The following MACROD1 variants were observed in gnomAD, a reference collection of about 807,000 sequenced individuals.
MACROD1 encodes ADP-ribose glycohydrolase MACROD1.
Under a neutral mutation model 41.4 loss-of-function variants are expected in MACROD1, and 31 were observed. The observed-to-expected ratio is 0.75, with a 90% CI of 0.56 to 1.01. The LOEUF (loss-of-function observed/expected upper bound fraction) is 1.01. Among genes scored for constraint, MACROD1 ranks in the 50% least tolerant of loss-of-function variants. MACROD1 has a pLI of 0.00. For missense variants in MACROD1, 473 were observed against 460.0 expected (o/e 1.03, Z -0.26); for synonymous variants, 252 against 203.4 (o/e 1.24, Z -2.03).
chr11:64,102,052 C>T (rs537129718), intron 3 of MACROD1, among the ~76,000 whole-genome samples: 19 of 152,306 alleles, frequency 1.2e-4, no homozygotes, highest in Non-Finnish European at 1.9e-4. Flanking sequence ...TTATTTGTAA[C>T]GGCCTCTGAC....
intron 3 of MACROD1, among the ~76,000 whole-genome samples, chr11:64,133,199 A>G (rs1046256645): frequency 2.6e-5 from 4 of 152,232 alleles, no homozygotes; most frequent in African/African-American, 9.6e-5. Flanking sequence ...GCCCCGCTAC[A>G]CAGGGAGCAA....
intron 3 of MACROD1, among the ~76,000 whole-genome samples, chr11:64,115,085 A>G (rs1315185537): frequency 1.3e-5 from 2 of 152,172 alleles, no homozygotes; most frequent in Admixed American, 1.3e-4. Flanking sequence ...CTGGGACTTC[A>G]GGTTCCGAGA....
In MACROD1 at chr11:64,060,061, G is replaced by A. The variant is rs377001650; in HGVS notation, c.518-44780C>T. ...GGAATGGCGAACAACTCCCTAAGGG[G>A]CAACTAACAGACCAATTAAGCTGCC... On this transcript the variant is annotated intron_variant, in intron 3 of 10. Transcript: ENST00000255681. Among the ~76,000 whole-genome samples the A allele has an allele frequency of 5.3e-4, 81 of 152,346 alleles. No homozygotes were observed. In the East Asian group the frequency reaches 0.011, roughly 21 times the overall value.
At chr11:64,106,672 C>T (rs1448754551) in intron 3 of MACROD1, among the ~76,000 whole-genome samples, 1 of 152,190 alleles carries the variant, frequency 6.6e-6, no homozygotes, top group Admixed American at 6.5e-5. Flanking sequence ...ACTGGTCACA[C>T]TGCTCCTCTC....
chr11:64,031,476 CTTT>C (rs386373983), intron 3 of MACROD1, among the ~76,000 whole-genome samples: 2 of 114,946 alleles, frequency 1.7e-5, no homozygotes, highest in Non-Finnish European at 1.7e-5. Flanking sequence ...GCCTGCCTTC[CTTT>C]TTTTTTTTTT....
At chr11:64,050,146 CG>C (rs1262018503) in intron 3 of MACROD1, among the ~76,000 whole-genome samples, 26 of 152,236 alleles carry the variant, frequency 1.7e-4, no homozygotes, top group Middle Eastern at 3.4e-3. Context: ...GTGCAGGCTC[CG>C]TCTTCACCCT....
chr11:64,135,439 C>A (rs925060540), intron 3 of MACROD1, among the ~76,000 whole-genome samples: 1 of 152,252 alleles, frequency 6.6e-6, no homozygotes, highest in Non-Finnish European at 1.5e-5. Flanking sequence ...CCACCCCACC[C>A]TCAGCTTTGC....
chr11:64,122,370 C>T lies in MACROD1; in HGVS notation c.517+28869G>A, dbSNP rs563228179. Reference sequence around the variant, plus strand: ...ATTGCACCTTCCTGGCTCTGGGTGACGCTGGCAGGGGAGGGGACAGCACCT... The same window carrying T: ...ATTGCACCTTCCTGGCTCTGGGTGATGCTGGCAGGGGAGGGGACAGCACCT... On this transcript the variant is annotated intron_variant, in intron 3 of 10. Transcript: ENST00000255681. The surrounding 1 kb of genome is among the most constrained non-coding windows in gnomAD (Gnocchi z 4.0). Among the ~76,000 whole-genome samples, 2 of 152,300 alleles carry T rather than the reference C, an allele frequency of 1.3e-5. No homozygotes were observed. Among genetic ancestry groups the T allele is most frequent in the East Asian group, 1.9e-4 (1 of 5,166 alleles).
intron 3 of MACROD1, among the ~76,000 whole-genome samples, chr11:64,141,014 G>T (rs1945405138): frequency 6.6e-6 from 1 of 152,088 alleles, no homozygotes; most frequent in African/African-American, 2.4e-5. Flanking sequence ...ATGAGCCTGT[G>T]GTCCCAGCAA....
intron 4 of MACROD1, chr11:64,001,609 C>T: frequency 1.4e-6 from 1 of 701,494 alleles, no homozygotes. Context: ...AGAGCTGGCA[C>T]CAGGCAATTT....
chr11:64,009,507 G>C lies in MACROD1; in HGVS notation c.547+5745C>G, dbSNP rs187919699. 1.9e-3 allele frequency among the ~76,000 whole-genome samples: 297 copies of C among 152,356 alleles called. 1 individual carries two copies. The highest frequency in any genetic ancestry group is 3.3e-3 in the Non-Finnish European group (222 of 68,026). On this transcript the variant is annotated intron_variant, in intron 4 of 10. Coordinates refer to ENST00000255681, the MANE Select transcript of MACROD1 (RefSeq NM_014067.4). Reference sequence around the variant, plus strand: ...TCCTACCAAACTGGGTCTCCCTGAAGGCAGAGCCAAGCCCTGAGTCCCAGC... The same window carrying C: ...TCCTACCAAACTGGGTCTCCCTGAACGCAGAGCCAAGCCCTGAGTCCCAGC...
At chr11:64,073,821 G>A (rs1944152613) in intron 3 of MACROD1, among the ~76,000 whole-genome samples, 1 of 152,158 alleles carries the variant, frequency 6.6e-6, no homozygotes. Flanking sequence ...GTGTTGGGGA[G>A]GGGGGCCCAC....
rs1199128614 is a variant in MACROD1 at position 64,146,509 on chromosome 11, G to A, written c.517+4730C>T. ...ACTCTCCCGGGTGCTACCCAAGCAA[G>A]TGGCCTCAGCTGGCAGCCCACGGGG... On this transcript the variant is annotated intron_variant, in intron 3 of 10. Transcript: ENST00000255681. The surrounding 1 kb of genome is among the most constrained non-coding windows in gnomAD (Gnocchi z 4.7). Among the ~76,000 whole-genome samples the A allele has an allele frequency of 1.3e-5, 2 of 152,188 alleles. No homozygotes were observed. The highest frequency in any genetic ancestry group is 4.8e-5 in the African/African-American group (2 of 41,426).
chr11:64,045,195 C>A (rs487895), intron 3 of MACROD1, among the ~76,000 whole-genome samples: 1 of 150,404 alleles, frequency 6.6e-6, no homozygotes, highest in African/African-American at 2.5e-5. Flanking sequence ...AGCTGGGCCT[C>A]GCTGCCCGCT....
chr11:64,102,791 T>G (rs975597458), intron 3 of MACROD1, among the ~76,000 whole-genome samples: 2 of 151,910 alleles, frequency 1.3e-5, no homozygotes, highest in African/African-American at 4.8e-5. Flanking sequence ...GGATCCAGGC[T>G]GGGTACAGTG....
chr11:64,089,647 C>T (rs1012613879), intron 3 of MACROD1, among the ~76,000 whole-genome samples: 6 of 152,354 alleles, frequency 3.9e-5, no homozygotes, highest in Admixed American at 2.0e-4. Flanking sequence ...CCTGGCCCCA[C>T]TCCTGGGGTG....
chr11:64,078,478 A>C (rs549111935), intron 3 of MACROD1, among the ~76,000 whole-genome samples: 1 of 152,202 alleles, frequency 6.6e-6, no homozygotes, highest in African/African-American at 2.4e-5. Flanking sequence ...CACTTAGGCT[A>C]ATCTGGTTAT....
intron 3 of MACROD1, among the ~76,000 whole-genome samples, chr11:64,150,261 C>T (rs1427980754): frequency 6.6e-6 from 1 of 152,260 alleles, no homozygotes; most frequent in Non-Finnish European, 1.5e-5. Context: ...ATCAGCACCA[C>T]CATGCCCCAG....
intron 3 of MACROD1, among the ~76,000 whole-genome samples, chr11:64,019,832 G>A (rs1459716353): frequency 6.6e-6 from 1 of 152,172 alleles, no homozygotes; most frequent in Non-Finnish European, 1.5e-5. Flanking sequence ...GACTGGGAAG[G>A]CTTCTCGGAG....
Sources: allele counts gnomAD v4.1 joint callset (sites outside exome capture counted in the v4.1 genomes callset), GRCh38; gene constraint gnomAD v4.1.1; non-coding constraint Gnocchi (gnomAD v3.1); transcripts MANE v1.5; gene names NCBI Gene and HGNC (gene_info 2026-07-23, HGNC 2026-07-21).